The following SDHA variants were observed in gnomAD, a reference collection of about 807,000 sequenced individuals.
The protein encoded by SDHA is succinate dehydrogenase complex flavoprotein subunit A, also known as succinate dehydrogenase [ubiquinone] flavoprotein subunit, mitochondrial.
Under a neutral mutation model 78.4 loss-of-function variants are expected in SDHA, and 48 were observed. The observed-to-expected ratio is 0.61, with a 90% CI of 0.49 to 0.78. The LOEUF is 0.78. Ranked by LOEUF, SDHA falls within the 30% of genes least tolerant of loss-of-function variation. SDHA has a pLI of 0.00. For synonymous variants in SDHA, 326 were observed against 353.9 expected, an observed-to-expected ratio of 0.92 and a Z score of 0.88; for missense variants, 680 against 892.7, an observed-to-expected ratio of 0.76 and a Z score of 3.04.
At chr5:238,930 C>T (rs1735954270) in intron 10 of SDHA, among the ~76,000 whole-genome samples, 1 of 151,514 alleles carries the variant, frequency 6.6e-6, no homozygotes, top group African/African-American at 2.4e-5. Context: ...CACTGTACTC[C>T]AGCCTGGGCA....
At chr5:258,922 T>C (rs1579453414), downstream of SDHA, among the ~76,000 whole-genome samples, 1 of 42,748 alleles carries the variant, frequency 2.3e-5, no homozygotes, top group Admixed American at 2.1e-4. Flanking sequence ...GAGCTCCGCC[T>C]CCCGTCCGAG....
At chr5:254,906 C>T (rs1404805124) in intron 14 of SDHA, among the ~76,000 whole-genome samples, 1 of 152,000 alleles carries the variant, frequency 6.6e-6, no homozygotes, top group African/African-American at 2.4e-5. Context: ...GAGACACCTC[C>T]CCTCTCCTCC....
chr5:268,207 G>A, the SDHA span, among the ~76,000 whole-genome samples: 20 of 150,078 alleles, frequency 1.3e-4, no homozygotes, highest in East Asian at 3.3e-3. Context: ...TTTTTGAGAC[G>A]GAGTCTCACT....
At chr5:222,407 G>A (rs1734772264) in intron 1 of SDHA, among the ~76,000 whole-genome samples, 2 of 149,782 alleles carry the variant, frequency 1.3e-5, no homozygotes, top group Non-Finnish European at 3.0e-5. Flanking sequence ...GAGTGCAGTG[G>A]CACAGTCTAG....
At chr5:255,388 G>T (rs1241016783) in intron 14 of SDHA, among the ~76,000 whole-genome samples, 2 of 151,834 alleles carry the variant, frequency 1.3e-5, no homozygotes, top group Non-Finnish European at 2.9e-5. Flanking sequence ...TCTTGATAGT[G>T]TATAGAAATC....
chr5:231,615 G>A (rs1438984728), intron 7 of SDHA, among the ~76,000 whole-genome samples: 5 of 151,458 alleles, frequency 3.3e-5, no homozygotes, highest in East Asian at 1.9e-4. Flanking sequence ...TCTTCGCAAC[G>A]AGGTCGTCAG....
At chr5:244,571 C>T (rs1736336152) in intron 11 of SDHA, among the ~76,000 whole-genome samples, 7 of 152,116 alleles carry the variant, frequency 4.6e-5, no homozygotes, top group Non-Finnish European at 1.5e-5. Context: ...AACGTCCTAC[C>T]TGTGAAATAA....
intron 3 of SDHA, 116 bp from the exon 4 acceptor site, chr5:225,303 G>C: frequency 7.5e-7 from 1 of 1,330,260 alleles, no homozygotes; most frequent in Non-Finnish European, 1.1e-6. Flanking sequence ...CCCTCACTGG[G>C]AGTCACTGTG....
At chr5:240,731 A>G (rs1462961457) in intron 11 of SDHA, among the ~76,000 whole-genome samples, 3 of 151,482 alleles carry the variant, frequency 2.0e-5, no homozygotes, top group Non-Finnish European at 4.4e-5. Flanking sequence ...CCATGTGTCC[A>G]TGTGTACTCA....
At chr5:248,466 G>A (rs1579432821) in intron 11 of SDHA, among the ~76,000 whole-genome samples, 2 of 152,144 alleles carry the variant, frequency 1.3e-5, no homozygotes, top group Admixed American at 1.3e-4. Flanking sequence ...CTTCAACAAG[G>A]GCTGACACAG....
In SDHA at chr5:256,651, C is replaced by T. The variant is rs1737218051; in HGVS notation, c.*231C>T. 3 of 536,402 alleles carry T rather than the reference C, an allele frequency of 5.6e-6. No homozygotes were observed. Among genetic ancestry groups the T allele is most frequent in the South Asian group, 5.0e-5 (2 of 39,744 alleles). The allele number at this position is 536,402 out of a possible 1,614,324, so 33.2% of individuals were successfully genotyped here. ...ATTCTTGTGAGATGATAAAACTGGG[C>T]ACAGCTCTTAAATAAAATATAAATG... On this transcript the variant is annotated 3_prime_UTR_variant, in exon 15 of 15. Transcript: ENST00000264932.
rs532504587 is a variant in SDHA, at chr5:233,735, G to A, written c.1064+90G>A. The A allele has an allele frequency of 2.2e-5, 29 of 1,304,258 alleles. No individual in the cohort carries two copies. In the East Asian group the frequency reaches 3.0e-4, roughly 13 times the overall value. 80.8% of individuals were successfully genotyped at this position (1,304,258 alleles called of 1,614,324 possible). ...TTCAGCACCGCTCGCCCTCACCTTCGTGTGCAGGCGCATGTGCACAGCCAC... is the reference window on the plus strand; with the variant it reads ...TTCAGCACCGCTCGCCCTCACCTTCATGTGCAGGCGCATGTGCACAGCCAC... On this transcript the variant is annotated intron_variant, in intron 8 of 14. Transcript: ENST00000264932.
rs2126547879 is a variant in SDHA at position 225,570 on chromosome 5, G to A, written c.456+8G>A. ...CCCGCCGCCGTGGTCGAGGTGATGG[G>A]CGGGAGGCTCTGGGTGTTCTCGTGG... is the stretch of plus-strand genomic sequence containing the variant. On this transcript the variant is annotated splice_region_variant and intron_variant, in intron 4 of 14. Transcript: ENST00000264932. 1 of 1,613,888 alleles carries A rather than the reference G, an allele frequency of 6.2e-7. No individual in the cohort carries two copies.
rs1449742263 is a variant in SDHA at position 251,036 on chromosome 5, G to A, written c.1596G>A (p.Leu532=). The A allele has an allele frequency of 1.9e-6, 3 of 1,611,926 alleles. No homozygotes were observed. The highest frequency in any genetic ancestry group is 2.5e-6 in the Non-Finnish European group (3 of 1,179,874). Residue 532 remains leucine (L), a synonymous_variant, in exon 12 of 15, where the codon TTG becomes TTA. Coordinates refer to ENST00000264932, the MANE Select transcript of SDHA (RefSeq NM_004168.4). ...HAAVFRVGSV[L]QEGCGKISKL... ...CCGTGTTCCGTGTGGGAAGCGTGTT[G>A]CAAGAAGGTTGTGGGAAAATCAGCA...
intron 10 of SDHA, among the ~76,000 whole-genome samples, chr5:238,447 A>G (rs4957004): frequency 3.0e-4 from 44 of 148,768 alleles, no homozygotes; most frequent in African/African-American, 1.0e-3. Flanking sequence ...ATATATATGT[A>G]TTTTTTTTTT....
At chr5:244,617 G>A (rs906754786) in intron 11 of SDHA, among the ~76,000 whole-genome samples, 7 of 152,230 alleles carry the variant, frequency 4.6e-5, no homozygotes, top group African/African-American at 1.7e-4. Flanking sequence ...TTTGGTAGAT[G>A]CAGGAGCGGA....
chr5:252,056 A>G (rs1354087314), intron 13 of SDHA, among the ~76,000 whole-genome samples: 2 of 149,852 alleles, frequency 1.3e-5, no homozygotes, highest in African/African-American at 5.0e-5. Context: ...TGTGGTGGAA[A>G]TGCCAGTTTA....
the SDHA span, among the ~76,000 whole-genome samples, chr5:262,502 A>G: frequency 0.77 from 112,991 of 147,144 alleles, 40,912 homozygotes; most frequent in Non-Finnish European, 0.79. Flanking sequence ...TGTGAACTGC[A>G]CATGCGAAGG....
At chr5:250,794 T>C (rs1278889103) in intron 11 of SDHA, 198 bp from the exon 12 acceptor site, 1 of 600,046 alleles carries the variant, frequency 1.7e-6, no homozygotes, top group African/African-American at 1.9e-5. Flanking sequence ...ATAGAAACAT[T>C]TATTTATTCA....
Sources: allele counts gnomAD v4.1 joint callset (sites outside exome capture counted in the v4.1 genomes callset), GRCh38; gene constraint gnomAD v4.1.1; transcripts MANE v1.5; gene names NCBI Gene and HGNC (gene_info 2026-07-23, HGNC 2026-07-21).